The following PAPSS1 variants were observed in gnomAD, a reference collection of about 807,000 sequenced individuals.
PAPSS1 encodes the protein 3'-phosphoadenosine 5'-phosphosulfate synthase 1.
Under a neutral mutation model 72.0 loss-of-function variants are expected in PAPSS1, and 50 were observed. The observed-to-expected ratio is 0.69, with a 90% CI of 0.55 to 0.88. The LOEUF is 0.88. PAPSS1 is among the 40% of genes least tolerant of loss of function. PAPSS1 has a pLI of 0.00. For synonymous variants in PAPSS1, 261 were observed against 263.6 expected (o/e 0.99, Z 0.09); for missense variants, 657 against 782.2 (o/e 0.84, Z 1.91).
At chr4:107,651,545 A>G (rs1437725121) in intron 9 of PAPSS1, among the ~76,000 whole-genome samples, 1 of 152,182 alleles carries the variant, frequency 6.6e-6, no homozygotes, top group Non-Finnish European at 1.5e-5. Flanking sequence ...GAAACTTACA[A>G]TCATGGTGGA....
intron 9 of PAPSS1, among the ~76,000 whole-genome samples, chr4:107,650,188 G>T: frequency 6.6e-6 from 1 of 152,316 alleles, no homozygotes; most frequent in East Asian, 1.9e-4. Flanking sequence ...GAACACATCA[G>T]AACTGACTTG....
intron 11 of PAPSS1, among the ~76,000 whole-genome samples, chr4:107,630,441 C>T (rs954340943): frequency 2.0e-5 from 3 of 152,132 alleles, no homozygotes; most frequent in African/African-American, 4.8e-5. Context: ...ATAGATCTGA[C>T]GGTTTAAAAG....
intron 11 of PAPSS1, among the ~76,000 whole-genome samples, chr4:107,623,220 T>A (rs184715867): frequency 8.2e-4 from 125 of 152,350 alleles, no homozygotes; most frequent in Non-Finnish European, 3.2e-4. Context: ...CTTTGTAATC[T>A]ATATCTGGTA....
At chr4:107,691,275 T>C (rs1341709639) in intron 3 of PAPSS1, among the ~76,000 whole-genome samples, 1 of 152,204 alleles carries the variant, frequency 6.6e-6, no homozygotes, top group Non-Finnish European at 1.5e-5. Flanking sequence ...AGTTATTACA[T>C]GCCAGGCACT....
chr4:107,615,817 T>C (rs1725805909), intron 11 of PAPSS1, among the ~76,000 whole-genome samples: 1 of 152,182 alleles, frequency 6.6e-6, no homozygotes, highest in African/African-American at 2.4e-5. Flanking sequence ...GGGCCCCCTA[T>C]GATGGGATTA....
chr4:107,697,052 G>A (rs1723086011), intron 2 of PAPSS1, among the ~76,000 whole-genome samples: 1 of 45,486 alleles, frequency 2.2e-5, no homozygotes, highest in African/African-American at 3.5e-5. Flanking sequence ...CTTTTCTTTG[G>A]TCACTTAATT....
chr4:107,618,841 T>A (rs1298053097), intron 11 of PAPSS1, among the ~76,000 whole-genome samples: 1 of 152,006 alleles, frequency 6.6e-6, no homozygotes, highest in African/African-American at 2.4e-5. Context: ...AGTTGACTAG[T>A]TATGGAGGGG....
Position 107,638,077 on chromosome 4 carries a change from A to G in PAPSS1, c.1507-6217T>C, listed in dbSNP as rs74589950. On this transcript the variant is annotated intron_variant, in intron 10 of 11. Coordinates refer to ENST00000265174, the MANE Select transcript of PAPSS1 (RefSeq NM_005443.5). ...TGAGGCTCATCCTCCCATCATACAG[A>G]TTCCTGATACTGTGGCTTTTGGTCT... 2.0e-5 allele frequency among the ~76,000 whole-genome samples: 3 copies of G among 152,274 alleles called. No individual in the cohort carries two copies. The South Asian group carries it at 6.2e-4, about 32-fold the overall frequency.
At chr4:107,650,753 C>T (rs1726817452) in intron 9 of PAPSS1, among the ~76,000 whole-genome samples, 1 of 152,010 alleles carries the variant, frequency 6.6e-6, no homozygotes, top group African/African-American at 2.4e-5. Context: ...GGATGAGAAA[C>T]TCACAGTATA....
At chr4:107,621,391 G>A (rs1476718514) in intron 11 of PAPSS1, among the ~76,000 whole-genome samples, 1 of 152,062 alleles carries the variant, frequency 6.6e-6, no homozygotes, top group African/African-American at 2.4e-5. Context: ...AATGTATAAA[G>A]AGAATAAAAG....
At chr4:107,634,540 T>C (rs1726309548) in intron 10 of PAPSS1, among the ~76,000 whole-genome samples, 1 of 152,094 alleles carries the variant, frequency 6.6e-6, no homozygotes, top group Non-Finnish European at 1.5e-5. Flanking sequence ...AAGGTTCAAA[T>C]TTACCAACAA....
At chr4:107,655,259 A>G (rs1426046985) in intron 7 of PAPSS1, among the ~76,000 whole-genome samples, 1 of 152,182 alleles carries the variant, frequency 6.6e-6, no homozygotes, top group Non-Finnish European at 1.5e-5. Context: ...TGCACTTCCA[A>G]TATATGAAAG....
chr4:107,657,802 T>C (rs146927152), intron 6 of PAPSS1, among the ~76,000 whole-genome samples: 221 of 151,988 alleles, frequency 1.5e-3, no homozygotes, highest in African/African-American at 4.9e-3. Context: ...AATAAATGTA[T>C]TGAAAAAATG....
chr4:107,671,203 C>A (rs1417627068), intron 5 of PAPSS1, among the ~76,000 whole-genome samples: 1 of 149,948 alleles, frequency 6.7e-6, no homozygotes, highest in African/African-American at 2.5e-5. Context: ...AATCCTGGAA[C>A]AGGAAAAACA....
chr4:107,694,432 G>A (rs1266085724), intron 2 of PAPSS1: 2 of 157,880 alleles, frequency 1.3e-5, no homozygotes, highest in Non-Finnish European at 2.8e-5. Context: ...CATAATAAGT[G>A]TTTGTTTTAA....
At chr4:107,629,878 G>A (rs564323008) in intron 11 of PAPSS1, among the ~76,000 whole-genome samples, 16 of 152,278 alleles carry the variant, frequency 1.1e-4, no homozygotes, top group African/African-American at 3.9e-4. Flanking sequence ...CTTCACCAGA[G>A]AGTCCCTCTC....
intron 11 of PAPSS1, among the ~76,000 whole-genome samples, chr4:107,624,679 T>TA (rs959098797): frequency 5.3e-4 from 81 of 152,160 alleles, no homozygotes; most frequent in Admixed American, 2.6e-4. Flanking sequence ...GACAATATGA[T>TA]AGAGTTTAAA....
rs34849653 is a variant in PAPSS1 at position 107,644,677 on chromosome 4, T to C, written c.1506+125A>G. On this transcript the variant is annotated intron_variant, in intron 10 of 11. Coordinates refer to ENST00000265174, the MANE Select transcript of PAPSS1 (RefSeq NM_005443.5). ...TATCCCTAACGAGCAGGAAAGAATGTCATGTATAACAAATGTTTGGAACAG... is the reference window on the plus strand; with the variant it reads ...TATCCCTAACGAGCAGGAAAGAATGCCATGTATAACAAATGTTTGGAACAG... 1,903 of 864,660 alleles carry C rather than the reference T, an allele frequency of 2.2e-3. 22 individuals are homozygous for C. The African/African-American group carries it at 0.023, about 11-fold the overall frequency. 53.6% of individuals were successfully genotyped at this position (864,660 alleles called of 1,614,324 possible). A position where few individuals can be genotyped will look rare whatever the true frequency, so the allele number is the denominator to read the frequency against.
At chr4:107,647,150 C>T (rs933878450) in intron 9 of PAPSS1, among the ~76,000 whole-genome samples, 4 of 152,186 alleles carry the variant, frequency 2.6e-5, no homozygotes, top group South Asian at 4.1e-4. Context: ...GGCTTACAGT[C>T]TAGTCAGAGC....
Sources: gnomAD v4.1 joint callset for allele counts (sites outside exome capture counted in the v4.1 genomes callset) on GRCh38, gnomAD v4.1.1 for gene constraint, MANE v1.5 for transcripts, NCBI Gene and HGNC (gene_info 2026-07-23, HGNC 2026-07-21) for gene names.